The following CTDSP2 variants were observed in gnomAD, a reference collection of about 807,000 sequenced individuals.
CTDSP2 encodes the protein CTD small phosphatase 2, also known as carboxy-terminal domain RNA polymerase II polypeptide A small phosphatase 2.
CTDSP2 carries 9 observed loss-of-function variants against 31.6 expected under a neutral mutation model. The observed-to-expected ratio is 0.28, with a 90% confidence interval of 0.17 to 0.50. CTDSP2 has a LOEUF of 0.50. CTDSP2 is among the 20% of genes least tolerant of loss of function. CTDSP2 has a pLI of 0.98. For missense variants in CTDSP2, 267 were observed against 348.5 expected (o/e 0.77, Z 1.86); for synonymous variants, 134 against 134.5 (o/e 1.00, Z 0.03).
intron 1 of CTDSP2, among the ~76,000 whole-genome samples, chr12:57,845,193 G>C (rs1956306882): frequency 6.6e-6 from 1 of 151,940 alleles, no homozygotes; most frequent in South Asian, 2.1e-4. Context: ...GGCCCCAGGA[G>C]CCAGCTCCCG....
At position 57,823,760 on chromosome 12, in the gene CTDSP2, G is replaced by A. The variant is rs576186833; in HGVS notation, c.691-33C>T. ...GGGGAAGATGTGGTGTCAATCTCCC[G>A]ACTGCTGCTTCCCCCTCCCTCGCCC... On this transcript the variant is annotated intron_variant, in intron 7 of 7. Transcript: ENST00000398073. 74 of 1,612,924 alleles carry A rather than the reference G, an allele frequency of 4.6e-5. No individual in the cohort carries two copies. In the South Asian group the frequency reaches 6.2e-4, roughly 13 times the overall value.
At chr12:57,834,423 G>A (rs1393533614) in intron 1 of CTDSP2, among the ~76,000 whole-genome samples, 1 of 152,188 alleles carries the variant, frequency 6.6e-6, no homozygotes, top group African/African-American at 2.4e-5. Context: ...AAAGTTGGAA[G>A]GGGTAAAACA....
Position 57,823,320 on chromosome 12 carries a change from T to C in CTDSP2, c.*282A>G, listed in dbSNP as rs1956159763. ...CAGCTTCTCCCCCACTGAAACACTA[T>C]ACACTGGGGCCACAGTTCATGGCAA... On this transcript the variant is annotated 3_prime_UTR_variant, in exon 8 of 8. Coordinates refer to ENST00000398073, the MANE Select transcript of CTDSP2 (RefSeq NM_005730.4). 4.4e-6 allele frequency: 2 copies of C among 459,086 alleles called. No homozygotes were observed. The highest frequency in any genetic ancestry group is 2.3e-5 in the South Asian group (1 of 44,244). 28.4% of individuals were successfully genotyped at this position (459,086 alleles called of 1,614,324 possible). A position where few individuals can be genotyped will look rare whatever the true frequency, so the allele number is the denominator to read the frequency against.
intron 1 of CTDSP2, among the ~76,000 whole-genome samples, chr12:57,836,004 C>T (rs934413227): frequency 1.3e-5 from 2 of 152,148 alleles, no homozygotes; most frequent in African/African-American, 4.8e-5. Flanking sequence ...AAATGCTGCG[C>T]TTGTTTTAAT....
At chr12:57,827,235 A>G in intron 3 of CTDSP2, 138 bp from the exon 4 acceptor site, 1 of 663,640 alleles carries the variant, frequency 1.5e-6, no homozygotes, top group Non-Finnish European at 2.6e-6. Flanking sequence ...AAGGCCAGGA[A>G]GAAAGGAGGT....
intron 3 of CTDSP2, chr12:57,827,302 G>A: frequency 4.8e-6 from 3 of 626,710 alleles, no homozygotes; most frequent in East Asian, 5.4e-5. Context: ...TCTGGACATT[G>A]GAGGTGGTGG....
chr12:57,833,310 G>T (rs1956228032), intron 1 of CTDSP2, among the ~76,000 whole-genome samples: 1 of 152,188 alleles, frequency 6.6e-6, no homozygotes, highest in Non-Finnish European at 1.5e-5. Flanking sequence ...GGGGATGAGG[G>T]TCTTCTCAAA....
intron 2 of CTDSP2, among the ~76,000 whole-genome samples, chr12:57,827,945 G>A (rs907702486): frequency 5.9e-5 from 9 of 152,114 alleles, no homozygotes; most frequent in African/African-American, 2.2e-4. Context: ...GCAAACTCTC[G>A]CTAAGTCCTT....
At chr12:57,845,386 C>G (rs1956308491) in intron 1 of CTDSP2, 1 of 152,216 alleles carries the variant, frequency 6.6e-6, no homozygotes, top group African/African-American at 2.4e-5. Flanking sequence ...AGAGGTTCCA[C>G]CCTCGGGCCC....
chr12:57,827,841 T>G (rs1042404855), intron 2 of CTDSP2, among the ~76,000 whole-genome samples: 1 of 152,108 alleles, frequency 6.6e-6, no homozygotes, highest in African/African-American at 2.4e-5. Flanking sequence ...TGCCACTGCC[T>G]CTCAACTGGA....
chr12:57,825,029 T>C (rs145696568), intron 5 of CTDSP2, among the ~76,000 whole-genome samples: 44 of 152,146 alleles, frequency 2.9e-4, no homozygotes, highest in African/African-American at 9.4e-4. Flanking sequence ...TATTTACTTA[T>C]TTTTTTTAGA....
chr12:57,824,644 TCA>T (rs1161471780), intron 5 of CTDSP2: 2 of 561,782 alleles, frequency 3.6e-6, no homozygotes, highest in Non-Finnish European at 3.6e-6. Context: ...AGAATAGGCC[TCA>T]CAGATGGAAA....
At position 57,820,886 on chromosome 12, in the gene CTDSP2, C is replaced by A. The variant is rs752135645; in HGVS notation, c.*2716G>T. ...GAGACACACTGTGTCCCTGAAGAGG[C>A]ACCTTAAAAGAACTGAACCTGGCAG... On this transcript the variant is annotated 3_prime_UTR_variant, in exon 8 of 8. Transcript: ENST00000398073. 7.2e-5 allele frequency: 11 copies of A among 152,198 alleles called. No individual in the cohort carries two copies. The highest frequency in any genetic ancestry group is 1.5e-4 in the Non-Finnish European group (10 of 68,044). 9.4% of individuals were successfully genotyped at this position (152,198 alleles called of 1,614,324 possible).
At chr12:57,836,480 CAA>C (rs1314833360) in intron 1 of CTDSP2, among the ~76,000 whole-genome samples, 1 of 152,076 alleles carries the variant, frequency 6.6e-6, no homozygotes, top group African/African-American at 2.4e-5. Flanking sequence ...AGCAACATGG[CAA>C]AATCCTGTTC....
At position 57,827,533 on chromosome 12, in the gene CTDSP2, C is replaced by T. The variant is rs763331148; in HGVS notation, c.252+19G>A. 1.1e-5 allele frequency: 18 copies of T among 1,613,684 alleles called. No individual in the cohort carries two copies. The East Asian group carries it at 3.6e-4, about 32-fold the overall frequency. On this transcript the variant is annotated intron_variant, in intron 3 of 7. Transcript: ENST00000398073. ...CAGGATCCTGGCTTCTGAGTACTTACCAGGCCAGAGTCACGTACCTGGTAG... is the reference window on the plus strand; with the variant it reads ...CAGGATCCTGGCTTCTGAGTACTTATCAGGCCAGAGTCACGTACCTGGTAG...
intron 1 of CTDSP2, among the ~76,000 whole-genome samples, chr12:57,835,778 G>A (rs953559550): frequency 7.2e-5 from 11 of 152,198 alleles, no homozygotes; most frequent in Admixed American, 4.6e-4. Context: ...TCTTCCTACT[G>A]AGGCGGGGTG....
intron 1 of CTDSP2, among the ~76,000 whole-genome samples, chr12:57,844,911 C>T (rs553139054): frequency 7.1e-6 from 1 of 141,026 alleles, no homozygotes; most frequent in South Asian, 2.7e-4. Flanking sequence ...CCCCACCCTT[C>T]CCCCCTCCCA....
At chr12:57,831,560 G>C (rs1565846323) in intron 1 of CTDSP2, among the ~76,000 whole-genome samples, 1 of 152,262 alleles carries the variant, frequency 6.6e-6, no homozygotes, top group Non-Finnish European at 1.5e-5. Flanking sequence ...CCAGGAGGTG[G>C]CACTGCACAA....
At chr12:57,824,720 C>T (rs778336558) in intron 5 of CTDSP2, 6 of 532,462 alleles carry the variant, frequency 1.1e-5, no homozygotes, top group African/African-American at 5.8e-5. Context: ...TCCTTGGCTC[C>T]GACAGGACAG....
Sources: allele counts gnomAD v4.1 joint callset (sites outside exome capture counted in the v4.1 genomes callset), GRCh38; gene constraint gnomAD v4.1.1; transcripts MANE v1.5; gene names NCBI Gene and HGNC (gene_info 2026-07-23, HGNC 2026-07-21).